Variants in MYH3 observed in about 807,000 individuals in gnomAD.
MYH3 encodes the protein myosin-3.
MYH3 carries 130 observed loss-of-function variants against 238.0 expected under a neutral mutation model. That is an observed-to-expected ratio of 0.55 (90% CI 0.47 to 0.63). The LOEUF (loss-of-function observed/expected upper bound fraction) is 0.63, where lower values mean the gene tolerates loss of function less well. Ranked by LOEUF, MYH3 falls within the 30% of genes least tolerant of loss-of-function variation. The pLI is 0.00. For synonymous variants in MYH3, 880 were observed against 924.1 expected, an observed-to-expected ratio of 0.95 and a Z score of 0.86; for missense variants, 1,853 against 2,374.9, an observed-to-expected ratio of 0.78 and a Z score of 4.57.
At chr17:10,632,090 T>G in intron 34 of MYH3, 74 bp from the exon 35 acceptor site, 1 of 1,517,934 alleles carries the variant, frequency 6.6e-7, no homozygotes. Flanking sequence ...CATCTCTGAG[T>G]TTTGTTTGTT....
intron 33 of MYH3, 142 bp downstream of exon 33, chr17:10,633,449 T>G: frequency 1.0e-6 from 1 of 983,808 alleles, no homozygotes; most frequent in Non-Finnish European, 1.6e-6. Flanking sequence ...CTCACAGTTT[T>G]GCTGTGTGAC....
In MYH3 at chr17:10,641,429, A is replaced by G. The variant is rs1231748639; in HGVS notation, c.1960-57T>C. 3 of 1,238,786 alleles carry G rather than the reference A, an allele frequency of 2.4e-6. No individual in the cohort carries two copies. The African/African-American group carries it at 4.5e-5, about 18-fold the overall frequency. 76.7% of individuals were successfully genotyped at this position (1,238,786 alleles called of 1,614,324 possible). On this transcript the variant is annotated intron_variant, in intron 17 of 40. Transcript: ENST00000583535. ...CTACTGTAGGTTTTTATGAAGACAGAGATCCATTGTAATGAAATAAGATCT... is the reference window on the plus strand; with the variant it reads ...CTACTGTAGGTTTTTATGAAGACAGGGATCCATTGTAATGAAATAAGATCT...
chr17:10,651,304 T>A (rs2074372069), intron 5 of MYH3, among the ~76,000 whole-genome samples: 1 of 152,168 alleles, frequency 6.6e-6, no homozygotes, highest in African/African-American at 2.4e-5. Flanking sequence ...CCGTTTTGCA[T>A]ATTCTAACTT....
chr17:10,638,146 T>C lies in MYH3; in HGVS notation c.3626A>G (p.Asp1209Gly), dbSNP rs767053474. 2 of 1,613,888 alleles carry C rather than the reference T, an allele frequency of 1.2e-6. No individual in the cohort carries two copies. The highest frequency in any genetic ancestry group is 1.7e-6 in the Non-Finnish European group (2 of 1,179,990). Residue 1209 changes from aspartate to glycine, a missense_variant, in exon 27 of 41, where the codon GAC becomes GGC. Physicochemically the swap from Asp to Gly is moderately conservative, Grantham distance 94. Transcript: ENST00000583535. ...CTTCTGCTTGACCCGCTGCAGGTTG[T>C]CAATCTGCTCCCCAAGCTCGGCCAC... ...DSVAELGEQI[D>G]NLQRVKQKLE...
chr17:10,653,719 C>T (rs531950830), intron 3 of MYH3, among the ~76,000 whole-genome samples: 3 of 152,336 alleles, frequency 2.0e-5, no homozygotes, highest in Non-Finnish European at 4.4e-5. Flanking sequence ...GGTTCTGTCT[C>T]TGGGCAGTGT....
Position 10,642,415 on chromosome 17 carries a change from A to G in MYH3, c.1888+2T>C. 6.2e-7 allele frequency: 1 copy of G among 1,614,184 alleles called. No individual in the cohort carries two copies. Among genetic ancestry groups the G allele is most frequent in the Non-Finnish European group, 8.5e-7 (1 of 1,180,018 alleles). ...CACATGGACACAAAGCACTCCTCTTACCATCCGCCGTGGCAAACGTGGCAT... is the reference window on the plus strand; with the variant it reads ...CACATGGACACAAAGCACTCCTCTTGCCATCCGCCGTGGCAAACGTGGCAT... On this transcript the variant is annotated splice_donor_variant, in intron 16 of 40. Transcript: ENST00000583535. LOFTEE classifies it high-confidence loss of function. This position sits in a 1 kb window ranked among gnomAD's most constrained non-coding sequence, Gnocchi z 5.4.
chr17:10,638,706 G>A (rs1214082220), intron 26 of MYH3, among the ~76,000 whole-genome samples, 167 bp downstream of exon 26: 1 of 152,192 alleles, frequency 6.6e-6, no homozygotes, highest in Non-Finnish European at 1.5e-5. Context: ...TTAATCAGAT[G>A]TTTTGGGGAA....
chr17:10,650,122 C>T (rs1173901591), intron 6 of MYH3, among the ~76,000 whole-genome samples: 1 of 152,052 alleles, frequency 6.6e-6, no homozygotes, highest in Non-Finnish European at 1.5e-5. Flanking sequence ...CAGGTGCCCG[C>T]CACCACACCC....
the MYH3 span, chr17:10,675,772 T>TA: frequency 1.3e-5 from 2 of 152,188 alleles, no homozygotes; most frequent in Non-Finnish European, 2.9e-5. Context: ...ACAAATGCGT[T>TA]AGTCTTTTTA....
chr17:10,673,253 T>A, the MYH3 span: 3 of 152,206 alleles, frequency 2.0e-5, no homozygotes, highest in Admixed American at 6.5e-5. Context: ...CTGCCTTTTC[T>A]TTATCTTGTC....
chr17:10,646,641 A>C (rs2074324269), intron 10 of MYH3, among the ~76,000 whole-genome samples: 1 of 152,210 alleles, frequency 6.6e-6, no homozygotes. Flanking sequence ...GTTGCTCAGA[A>C]GGTTTTTATA....
chr17:10,635,497 A>T lies in MYH3; in HGVS notation c.4042T>A (p.Tyr1348Asn), dbSNP rs1567553775. The T allele has an allele frequency of 6.2e-7, 1 of 1,614,094 alleles. No homozygotes were observed. The highest frequency in any genetic ancestry group is 1.3e-5 in the African/African-American group (1 of 75,020). ...GCTTTGCCTTCCTGCTCCTCCTCAT[A>T]CTGTTCCCGCAGCAGGTCACAGTCG... The part of the protein sequence containing the change: ...RHDCDLLREQ[Y>N]EEEQEGKAEL... Residue 1348 changes from tyrosine (Y) to asparagine (N), a missense_variant, in exon 30 of 41, where the codon TAT (tyrosine) becomes AAT (asparagine). Physicochemically the swap from Tyr to Asn is moderately radical, Grantham distance 143. Coordinates refer to ENST00000583535, the MANE Select transcript of MYH3 (RefSeq NM_002470.4).
chr17:10,628,769 G>T, intron 40 of MYH3, 90 bp from the exon 41 acceptor site: 2 of 1,389,982 alleles, frequency 1.4e-6, no homozygotes, highest in Non-Finnish European at 2.0e-6. Flanking sequence ...AGAGTTGCTT[G>T]CCTACTTCAG....
Position 10,642,995 on chromosome 17 carries a change from T to C in MYH3, c.1412A>G (p.Tyr471Cys), listed in dbSNP as rs1035764508. Residue 471 changes from tyrosine to cysteine, a missense_variant and splice_region_variant, in exon 15 of 41, where the codon TAT (tyrosine) becomes TGT (cysteine). Physicochemically the swap from Tyr to Cys is radical, Grantham distance 194. Coordinates refer to ENST00000583535, the MANE Select transcript of MYH3 (RefSeq NM_002470.4). This position sits in a 1 kb window ranked among gnomAD's most constrained non-coding sequence, Gnocchi z 5.4. ...LDIAGFEIFEYNSLEQLCINF... is the reference protein window; with the variant it reads ...LDIAGFEIFECNSLEQLCINF... ...GATGCACAGCTGCTCCAGGCTGTTA[T>C]ACTAATAAAAAAATACAACATTCAT... 2 of 1,614,082 alleles carry C rather than the reference T, an allele frequency of 1.2e-6. No individual in the cohort carries two copies. Among genetic ancestry groups the C allele is most frequent in the African/African-American group, 1.3e-5 (1 of 74,944 alleles).
chr17:10,631,524 G>A lies in MYH3; in HGVS notation c.5286+87C>T, dbSNP rs577359224. 50 of 1,591,816 alleles carry A rather than the reference G, an allele frequency of 3.1e-5. No homozygotes were observed. The African/African-American group carries it at 5.9e-4, about 19-fold the overall frequency. ...GCAGAATGTGCACCAGGTGTGGCTG[G>A]GGGAGACCGCACCTGTCTAACTATG... is the stretch of plus-strand genomic sequence containing the variant. On this transcript the variant is annotated intron_variant, in intron 36 of 40. Transcript: ENST00000583535.
At chr17:10,632,064 C>A (rs1597481574) in intron 34 of MYH3, 48 bp from the exon 35 acceptor site, 2 of 1,588,016 alleles carry the variant, frequency 1.3e-6, no homozygotes, top group East Asian at 4.5e-5. Context: ...GGCGTTAGGA[C>A]CACGAGCCTC....
chr17:10,631,652 C>T lies in MYH3; in HGVS notation c.5245G>A (p.Ala1749Thr), dbSNP rs1297925169. ...TTGGCCTTCTCCTCAGCGTTCCTTG[C>T]ATCCCTGCTGGCATCTTCTACCTCA... ...QSEVEDASRD[A>T]RNAEEKAKKA... The change falls in exon 36 of 41, where the codon GCA (alanine) becomes ACA (threonine). Residue 1749 changes from alanine (A) to threonine (T), a missense_variant. This residue lies in a region of MYH3 where 1,044 missense variants were observed against 1,192.6 expected (regional missense o/e 0.88). Transcript: ENST00000583535. The T allele has an allele frequency of 1.2e-6, 2 of 1,614,078 alleles. No homozygotes were observed. The highest frequency in any genetic ancestry group is 1.7e-6 in the Non-Finnish European group (2 of 1,180,052).
chr17:10,665,146 T>A, the MYH3 span, among the ~76,000 whole-genome samples: 1 of 142,994 alleles, frequency 7.0e-6, no homozygotes. Flanking sequence ...TTTTATTTTT[T>A]ATTTTTTTAT....
chr17:10,640,356 T>C lies in MYH3; in HGVS notation c.2403A>G (p.Glu801=). 1 of 1,614,212 alleles carries C rather than the reference T, an allele frequency of 6.2e-7. No homozygotes were observed. Among genetic ancestry groups the C allele is most frequent in the African/African-American group, 1.3e-5 (1 of 75,054 alleles). The stretch of plus-strand genomic sequence containing the variant: ...ACCTCCTCTGCACCATCTTCTGGAA[T>C]TCCACACGCATGAGGAACCCTCTGC... ...AVCRGFLMRV[E]FQKMVQRRES... The change falls in exon 21 of 41, where the codon GAA becomes GAG. Residue 801 remains glutamate, a synonymous_variant. Coordinates refer to ENST00000583535, the MANE Select transcript of MYH3 (RefSeq NM_002470.4).
Sources: gnomAD v4.1 joint callset for allele counts (sites outside exome capture counted in the v4.1 genomes callset) on GRCh38, gnomAD v4.1.1 for gene constraint, gnomAD v4.1.1 regional missense constraint, Gnocchi (gnomAD v3.1) non-coding constraint, MANE v1.5 for transcripts, NCBI Gene and HGNC (gene_info 2026-07-23, HGNC 2026-07-21) for gene names.